Variants in RNF19A observed in about 807,000 individuals in gnomAD.
RNF19A encodes the protein ring finger protein 19A, RBR E3 ubiquitin protein ligase, also known as E3 ubiquitin-protein ligase RNF19A.
A neutral mutation model predicts 75.7 loss-of-function variants in RNF19A; 32 were observed. The observed-to-expected ratio is 0.42, with a 90% CI of 0.32 to 0.57. The LOEUF is 0.57. RNF19A is among the 20% of genes least tolerant of loss of function. RNF19A has a pLI of 0.10. For missense variants in RNF19A, 782 were observed against 1,036.3 expected, an observed-to-expected ratio of 0.75 and a Z score of 3.37; for synonymous variants, 335 against 345.2, an observed-to-expected ratio of 0.97 and a Z score of 0.33.
chr8:100,291,178 TATGGATGATACCACTCACCTCAA>T (rs1396313648), intron 1 of RNF19A, among the ~76,000 whole-genome samples: 1 of 152,154 alleles, frequency 6.6e-6, no homozygotes, highest in Non-Finnish European at 1.5e-5. Context: ...GACCACAAAA[TATGGATGATACCACTCACCTCAA>T]ATAGATGTTC....
At chr8:100,310,105 C>G, upstream of RNF19A, 1 of 985,586 alleles carries the variant, frequency 1.0e-6, no homozygotes, top group Non-Finnish European at 1.2e-6. Flanking sequence ...CTACCACCTC[C>G]CCCTCCCGCA....
At position 100,306,383 on chromosome 8, in the gene RNF19A, A is replaced by G. The variant is rs1822061963; in HGVS notation, c.-94+3484T>C. Among the ~76,000 whole-genome samples the G allele has an allele frequency of 2.0e-5, 3 of 152,202 alleles. No individual in the cohort carries two copies. The South Asian group carries it at 6.2e-4, about 31-fold the overall frequency. On this transcript the variant is annotated intron_variant, in intron 1 of 9. Transcript: ENST00000341084. ...CTTTCCTAATAGGACTTCTAAAACA[A>G]ATTAACAGTAATTCTTTAGTAAATG...
At chr8:100,321,671 T>C (rs913025220) in intron 1 of RNF19A, among the ~76,000 whole-genome samples, 5 of 152,366 alleles carry the variant, frequency 3.3e-5, no homozygotes, top group Middle Eastern at 3.4e-3. Context: ...TCACTATCTA[T>C]GGAAGCTATA....
chr8:100,297,123 G>A (rs1357370472), intron 1 of RNF19A, among the ~76,000 whole-genome samples: 1 of 152,096 alleles, frequency 6.6e-6, no homozygotes, highest in South Asian at 2.1e-4. Flanking sequence ...TTTTAAAGTT[G>A]ATTATTCCTT....
chr8:100,267,551 TGA>T (rs1159934464), intron 5 of RNF19A, among the ~76,000 whole-genome samples: 2 of 152,020 alleles, frequency 1.3e-5, no homozygotes, highest in African/African-American at 4.8e-5. Context: ...TAAATTTTTT[TGA>T]GAGATGGGGT....
chr8:100,264,914 G>T lies in RNF19A; in HGVS notation c.1192-129C>A. On this transcript the variant is annotated intron_variant, in intron 5 of 9. Coordinates refer to ENST00000341084, the MANE Select transcript of RNF19A (RefSeq NM_183419.4). The surrounding 1 kb of genome is among the most constrained non-coding windows in gnomAD (Gnocchi z 4.7). ...TTCGTAGCTGAGTATCTTAGTTCAA[G>T]GTAAACCTACTAGTGTCCTTAAACT... The T allele has an allele frequency of 3.0e-6, 2 of 658,524 alleles. No individual in the cohort carries two copies. Among genetic ancestry groups the T allele is most frequent in the Non-Finnish European group, 5.3e-6 (2 of 377,842 alleles). 40.8% of individuals were successfully genotyped at this position (658,524 alleles called of 1,614,324 possible).
Position 100,325,516 on chromosome 8 carries a change from C to T in RNF19A, c.-243+10592G>A, listed in dbSNP as rs1342773490. Among the ~76,000 whole-genome samples the T allele has an allele frequency of 6.6e-6, 1 of 152,110 alleles. No individual in the cohort carries two copies. Among genetic ancestry groups the T allele is most frequent in the East Asian group, 1.9e-4 (1 of 5,190 alleles). The stretch of plus-strand genomic sequence containing the variant: ...TTCAGTAAGTGACCTCTGAACAAGA[C>T]GTTTCAACTTTATATGTACCCAGGA... On this transcript the variant is annotated intron_variant, in intron 1 of 3. Transcript: ENST00000519527. The surrounding 1 kb of genome is among the most constrained non-coding windows in gnomAD (Gnocchi z 4.3).
chr8:100,270,939 T>C (rs1230207575), intron 3 of RNF19A, among the ~76,000 whole-genome samples: 1 of 152,154 alleles, frequency 6.6e-6, no homozygotes, highest in Non-Finnish European at 1.5e-5. Flanking sequence ...AAATAGTAAC[T>C]TGTAATTACT....
chr8:100,313,968 A>T (rs1238695746), upstream of RNF19A, among the ~76,000 whole-genome samples: 3 of 140,602 alleles, frequency 2.1e-5, no homozygotes, highest in Non-Finnish European at 4.5e-5. Flanking sequence ...TGCAACCTCC[A>T]CCTCCTGGGC....
chr8:100,279,963 T>C (rs945474442), intron 2 of RNF19A, among the ~76,000 whole-genome samples: 3 of 152,196 alleles, frequency 2.0e-5, no homozygotes, highest in Non-Finnish European at 4.4e-5. Flanking sequence ...CCTGGCTTCA[T>C]TTCTGATTTC....
intron 1 of RNF19A, among the ~76,000 whole-genome samples, chr8:100,298,093 G>A (rs1057444737): frequency 6.6e-6 from 1 of 151,052 alleles, no homozygotes; most frequent in Admixed American, 6.6e-5. Context: ...AACACATCAA[G>A]AATTCAGTGA....
intron 1 of RNF19A, among the ~76,000 whole-genome samples, chr8:100,307,098 G>T (rs1660349): frequency 6.6e-6 from 1 of 152,032 alleles, no homozygotes; most frequent in African/African-American, 2.4e-5. Flanking sequence ...TTTTGCCCAA[G>T]GTGGCCTAAT....
chr8:100,259,775 A>G lies in RNF19A; in HGVS notation c.1826+79T>C, dbSNP rs1043220852. On this transcript the variant is annotated intron_variant, in intron 9 of 9. Transcript: ENST00000341084. The surrounding 1 kb of genome is among the most constrained non-coding windows in gnomAD (Gnocchi z 4.5). Reference sequence around the variant, plus strand: ...ACTTAATAGTTGGTAGCCACTTTTCACTGGTAATTTGTCTAATGATAGGAA... The same window carrying G: ...ACTTAATAGTTGGTAGCCACTTTTCGCTGGTAATTTGTCTAATGATAGGAA... The G allele has an allele frequency of 1.1e-5, 15 of 1,307,474 alleles. No individual in the cohort carries two copies. The highest frequency in any genetic ancestry group is 1.4e-5 in the Non-Finnish European group (13 of 946,552). The allele number at this position is 1,307,474 out of a possible 1,614,324, so 81.0% of individuals were successfully genotyped here. A position where few individuals can be genotyped will look rare whatever the true frequency, so the allele number is the denominator to read the frequency against.
In RNF19A at chr8:100,317,037, C is replaced by T. The variant is rs6989921; in HGVS notation, c.-242-3665G>A. Among the ~76,000 whole-genome samples, 1 of 151,860 alleles carries T rather than the reference C, an allele frequency of 6.6e-6. No individual in the cohort carries two copies. Among genetic ancestry groups the T allele is most frequent in the East Asian group, 1.9e-4 (1 of 5,178 alleles). Reference sequence around the variant, plus strand: ...CCCGGGTGCTAAGTCCCTCATTGCCCGGGACCAGCAGCGCTGCCCGGCTAC... The same window carrying T: ...CCCGGGTGCTAAGTCCCTCATTGCCTGGGACCAGCAGCGCTGCCCGGCTAC... On this transcript the variant is annotated intron_variant, in intron 1 of 3. Transcript: ENST00000519527. This position sits in a 1 kb window ranked among gnomAD's most constrained non-coding sequence, Gnocchi z 4.3.
intron 1 of RNF19A, among the ~76,000 whole-genome samples, chr8:100,297,902 A>G (rs926904198): frequency 6.6e-6 from 1 of 152,186 alleles, no homozygotes; most frequent in African/African-American, 2.4e-5. Flanking sequence ...GTGATAGAGT[A>G]TATTTTGTTG....
intron 2 of RNF19A, among the ~76,000 whole-genome samples, chr8:100,286,764 C>T (rs1170335656): frequency 6.6e-6 from 1 of 152,090 alleles, no homozygotes; most frequent in Non-Finnish European, 1.5e-5. Flanking sequence ...TAATAGTATG[C>T]TACGTATCAC....
At chr8:100,316,747 C>T (rs1230034162) in intron 1 of RNF19A, among the ~76,000 whole-genome samples, 2 of 152,358 alleles carry the variant, frequency 1.3e-5, no homozygotes, top group South Asian at 2.1e-4. Context: ...TTGGAGCTGC[C>T]TGCCAGTCCC....
chr8:100,333,153 A>G lies in RNF19A; in HGVS notation c.-243+2955T>C, dbSNP rs1380230000. Among the ~76,000 whole-genome samples the G allele has an allele frequency of 6.6e-6, 1 of 152,114 alleles. No homozygotes were observed. The highest frequency in any genetic ancestry group is 6.5e-5 in the Admixed American group (1 of 15,274). ...TTAACATGGGAGTGGGTTTGTCACAAAAGTGTGTTTGGTCCTGTCTTGCTC... is the reference window on the plus strand; with the variant it reads ...TTAACATGGGAGTGGGTTTGTCACAGAAGTGTGTTTGGTCCTGTCTTGCTC... On this transcript the variant is annotated intron_variant, in intron 1 of 3. Transcript: ENST00000519527. The surrounding 1 kb of genome is among the most constrained non-coding windows in gnomAD (Gnocchi z 4.7).
In RNF19A at chr8:100,260,005, G is replaced by C. The variant is rs1338444213; in HGVS notation, c.1683-8C>G. 6.2e-7 allele frequency: 1 copy of C among 1,612,476 alleles called. No homozygotes were observed. Among genetic ancestry groups the C allele is most frequent in the Admixed American group, 1.7e-5 (1 of 59,794 alleles). ...TCTGCTTGTACTTCCAACCTTAAAG[G>C]GGGGTATGAAATCACCAAAATTATA... On this transcript the variant is annotated splice_polypyrimidine_tract_variant and splice_region_variant and intron_variant, in intron 8 of 9. Transcript: ENST00000341084. This position sits in a 1 kb window ranked among gnomAD's most constrained non-coding sequence, Gnocchi z 4.1.
Sources: gnomAD v4.1 joint callset for allele counts (sites outside exome capture counted in the v4.1 genomes callset) on GRCh38, gnomAD v4.1.1 for gene constraint, Gnocchi (gnomAD v3.1) non-coding constraint, MANE v1.5 for transcripts, NCBI Gene and HGNC (gene_info 2026-07-23, HGNC 2026-07-21) for gene names.